Variants in GRIK4 observed in about 807,000 individuals in gnomAD.
GRIK4 encodes the protein glutamate ionotropic receptor kainate type subunit 4.
In GRIK4, 40 loss-of-function variants were observed where a neutral mutation model predicts 104.9. The ratio of observed to expected loss-of-function variants is 0.38; its 90% CI spans 0.30 to 0.50. The LOEUF is 0.50. GRIK4 is among the 20% of genes least tolerant of loss of function. The pLI is 0.93. For missense variants in GRIK4, 1,047 were observed against 1,308.1 expected (o/e 0.80, Z 3.08); for synonymous variants, 485 against 524.9 (o/e 0.92, Z 1.04).
chr11:120,890,714 C>T (rs1261961465), intron 11 of GRIK4, among the ~76,000 whole-genome samples: 2 of 152,118 alleles, frequency 1.3e-5, no homozygotes, highest in African/African-American at 4.8e-5. Flanking sequence ...TCTGAAGTAC[C>T]TCCATTAAGC....
intron 1 of GRIK4, among the ~76,000 whole-genome samples, chr11:120,525,841 CCT>C (rs777349188): frequency 6.6e-6 from 1 of 151,836 alleles, no homozygotes; most frequent in Non-Finnish European, 1.5e-5. Flanking sequence ...AGTTAGAGTC[CCT>C]CTCTCTACTC....
At position 120,960,921 on chromosome 11, in the gene GRIK4, G is replaced by A. The variant is rs758935530; in HGVS notation, c.1887G>A (p.Thr629=). 11 of 1,613,344 alleles carry A rather than the reference G, an allele frequency of 6.8e-6. No homozygotes were observed. The highest frequency in any genetic ancestry group is 1.7e-4 in the Middle Eastern group (1 of 6,054). ...TTTTCCTACATAGGTGGGCATTCAC[G>A]CTGATCATCATCTCATCCTACACGG... ...RCVSGVWWAF[T]LIIISSYTAN... The change falls in exon 17 of 21, where the codon ACG becomes ACA. Residue 629 remains threonine (T), a synonymous_variant. Transcript: ENST00000527524.
At chr11:120,633,857 C>A (rs550085091) in intron 1 of GRIK4, among the ~76,000 whole-genome samples, 1 of 152,056 alleles carries the variant, frequency 6.6e-6, no homozygotes, top group South Asian at 2.1e-4. Flanking sequence ...GCCCTGCTTG[C>A]GGCACATCTC....
chr11:120,655,263 C>G (rs780274073), intron 2 of GRIK4, among the ~76,000 whole-genome samples: 1 of 151,676 alleles, frequency 6.6e-6, no homozygotes, highest in Non-Finnish European at 1.5e-5. Context: ...CTGGAAAACA[C>G]AGCTTGCAGT....
chr11:120,654,136 C>A (rs1219711375), intron 2 of GRIK4, among the ~76,000 whole-genome samples: 1 of 152,172 alleles, frequency 6.6e-6, no homozygotes, highest in Non-Finnish European at 1.5e-5. Context: ...TAAATTCTGC[C>A]AACACTGCTG....
chr11:120,830,456 C>G (rs558866160), intron 6 of GRIK4, among the ~76,000 whole-genome samples: 2 of 152,180 alleles, frequency 1.3e-5, no homozygotes, highest in African/African-American at 4.8e-5. Flanking sequence ...ATGGGAGGCT[C>G]TCCCTCCTTT....
rs371635614 is a variant in GRIK4, at chr11:120,868,592, CT to C, written c.907-5463del. On this transcript the variant is annotated intron_variant, in intron 9 of 20. Coordinates refer to ENST00000527524, the MANE Select transcript of GRIK4 (RefSeq NM_014619.5). The stretch of plus-strand genomic sequence containing the variant: ...CAGAAGTGGAGACATGGATGGAGGG[CT>C]TTTTTTTTTTGAGACGGAGTCTTGC... The C allele has an allele frequency of 3.0e-3, 423 of 142,306 alleles. 1 individual carries two copies. Among genetic ancestry groups the C allele is most frequent in the African/African-American group, 7.3e-3 (279 of 38,330 alleles). 8.8% of individuals were successfully genotyped at this position (142,306 alleles called of 1,614,324 possible).
chr11:120,790,775 G>C (rs3133859), intron 3 of GRIK4, among the ~76,000 whole-genome samples: 37 of 152,076 alleles, frequency 2.4e-4, no homozygotes, highest in Non-Finnish European at 3.5e-4. Flanking sequence ...GGAACAGAAG[G>C]GGGGCAGTGG....
chr11:120,858,882 C>T (rs1954189036), intron 8 of GRIK4: 2 of 152,158 alleles, frequency 1.3e-5, no homozygotes, highest in African/African-American at 4.8e-5. Flanking sequence ...CTTAGAGTGT[C>T]GTGGGAAATG....
At chr11:120,568,475 C>T (rs2135067863) in intron 1 of GRIK4, among the ~76,000 whole-genome samples, 1 of 152,110 alleles carries the variant, frequency 6.6e-6, no homozygotes, top group South Asian at 2.1e-4. Context: ...GCAGCCTCTG[C>T]CTCCCAGGTC....
chr11:120,633,754 G>T (rs1004049666), intron 1 of GRIK4, among the ~76,000 whole-genome samples: 1 of 152,164 alleles, frequency 6.6e-6, no homozygotes, highest in Admixed American at 6.5e-5. Flanking sequence ...GAGTTTCTCT[G>T]TCTCCCTGCT....
chr11:120,819,606 G>A lies in GRIK4; in HGVS notation c.346-149G>A, dbSNP rs2135542746. On this transcript the variant is annotated intron_variant, in intron 5 of 20. Transcript: ENST00000527524. This position sits in a 1 kb window ranked among gnomAD's most constrained non-coding sequence, Gnocchi z 4.3. ...CGCTCGTCTTCCTCCCACGGAGTGG[G>A]TGCCCTGGGAGCTCCTTCTCCCATT... The A allele has an allele frequency of 1.4e-6, 1 of 698,744 alleles. No homozygotes were observed. Among genetic ancestry groups the A allele is most frequent in the Non-Finnish European group, 2.5e-6 (1 of 397,304 alleles). The allele number at this position is 698,744 out of a possible 1,614,324, so 43.3% of individuals were successfully genotyped here.
At chr11:120,873,883 A>G (rs1053728770) in intron 9 of GRIK4, 183 bp from the exon 10 acceptor site, 16 of 563,416 alleles carry the variant, frequency 2.8e-5, no homozygotes, top group African/African-American at 2.8e-4. Flanking sequence ...ACACCTGACT[A>G]TTAGATGAAG....
At chr11:120,962,758 C>G in intron 18 of GRIK4, 77 bp downstream of exon 18, 1 of 894,658 alleles carries the variant, frequency 1.1e-6, no homozygotes, top group African/African-American at 1.6e-5. Flanking sequence ...CTGAATACAG[C>G]ATTGAATCCA....
At position 120,696,565 on chromosome 11, in the gene GRIK4, CAG is replaced by C. The variant is rs1350714229; in HGVS notation, c.82+36168_82+36169del. On this transcript the variant is annotated intron_variant, in intron 3 of 20. Coordinates refer to ENST00000527524, the MANE Select transcript of GRIK4 (RefSeq NM_014619.5). ...AGAGCTGGGGTTGAAGAAGGGGACT[CAG>C]AGCTCTGAGTTCATCGGTGGCTTCC... 4.0e-5 allele frequency among the ~76,000 whole-genome samples: 6 copies of C among 151,604 alleles called. No individual in the cohort carries two copies. In the East Asian group the frequency reaches 1.2e-3, roughly 29 times the overall value.
At chr11:120,965,554 G>T (rs1000178675) in intron 18 of GRIK4, among the ~76,000 whole-genome samples, 1 of 152,196 alleles carries the variant, frequency 6.6e-6, no homozygotes, top group Non-Finnish European at 1.5e-5. Flanking sequence ...AGCTCTGCTG[G>T]TGGTTGCCCA....
At chr11:120,735,079 T>C (rs1419877450) in intron 3 of GRIK4, among the ~76,000 whole-genome samples, 1 of 152,228 alleles carries the variant, frequency 6.6e-6, no homozygotes. Context: ...CCTCGTGCCT[T>C]ATTTAGTTCC....
At chr11:120,664,974 A>C (rs1011707278) in intron 3 of GRIK4, among the ~76,000 whole-genome samples, 1 of 124,644 alleles carries the variant, frequency 8.0e-6, no homozygotes, top group Non-Finnish European at 1.7e-5. Context: ...TTTATTTTAT[A>C]CTCTGTCTTA....
intron 3 of GRIK4, among the ~76,000 whole-genome samples, chr11:120,747,625 G>A (rs2852218): frequency 0.45 from 68,153 of 152,158 alleles, 16,398 homozygotes; most frequent in Middle Eastern, 0.59. Context: ...GGAGGGAGAA[G>A]AGGCTGCCAG....
Sources: allele counts gnomAD v4.1 joint callset (sites outside exome capture counted in the v4.1 genomes callset), GRCh38; gene constraint gnomAD v4.1.1; non-coding constraint Gnocchi (gnomAD v3.1); transcripts MANE v1.5; gene names NCBI Gene and HGNC (gene_info 2026-07-23, HGNC 2026-07-21).